The following XPOT variants were observed in gnomAD, a reference collection of about 807,000 sequenced individuals.
XPOT encodes exportin-T.
Under a neutral mutation model 128.2 loss-of-function variants are expected in XPOT, and 34 were observed. That is an observed-to-expected ratio of 0.27 (90% confidence interval 0.20 to 0.35). The LOEUF is 0.35. XPOT is among the 10% of genes least tolerant of loss of function. The pLI, the probability that XPOT is intolerant of heterozygous loss-of-function variation, is 1.00. For synonymous variants in XPOT, 348 were observed against 394.3 expected (o/e 0.88, Z 1.39); for missense variants, 838 against 1,125.3 (o/e 0.74, Z 3.65).
chr12:64,427,997 T>C, intron 15 of XPOT, 54 bp from the exon 16 acceptor site: 1 of 1,207,400 alleles, frequency 8.3e-7, no homozygotes, highest in South Asian at 1.3e-5. Context: ...TTTGGTATTT[T>C]AGCACTGTTT....
At chr12:64,447,014 G>A (rs1010494198) in intron 24 of XPOT, among the ~76,000 whole-genome samples, 1 of 152,120 alleles carries the variant, frequency 6.6e-6, no homozygotes. Context: ...CAATCATGTC[G>A]GAAGGCAAGG....
At chr12:64,423,341 C>G (rs1292304392) in intron 11 of XPOT, 97 bp downstream of exon 11, 1 of 830,666 alleles carries the variant, frequency 1.2e-6, no homozygotes, top group Non-Finnish European at 1.8e-6. Context: ...CCCTTTAAAA[C>G]ATGAAGTTCT....
chr12:64,431,907 G>T, intron 18 of XPOT, 84 bp downstream of exon 18: 1 of 1,453,400 alleles, frequency 6.9e-7, no homozygotes, highest in Non-Finnish European at 9.2e-7. Flanking sequence ...TTGCCCTTGG[G>T]TTTCTTTTTT....
rs575981006 is a variant in XPOT at position 64,408,917 on chromosome 12, C to T, written c.-74-1045C>T. On this transcript the variant is annotated intron_variant, in intron 1 of 24. Transcript: ENST00000332707. ...TGAACTCCTGACCTTAAGTGATCTGCGCACCTCAGCCTCCCAAAGTTCTCA... is the reference window on the plus strand; with the variant it reads ...TGAACTCCTGACCTTAAGTGATCTGTGCACCTCAGCCTCCCAAAGTTCTCA... Among the ~76,000 whole-genome samples the T allele has an allele frequency of 1.3e-3, 198 of 152,260 alleles. 6 individuals are homozygous for T. The South Asian group carries it at 0.026, about 20-fold the overall frequency.
chr12:64,440,098 G>A (rs1240983407), intron 23 of XPOT, among the ~76,000 whole-genome samples: 2 of 152,096 alleles, frequency 1.3e-5, no homozygotes. Flanking sequence ...GCATAACTAA[G>A]ACTTTATACC....
At chr12:64,411,010 C>A (rs1592524123) in intron 2 of XPOT, among the ~76,000 whole-genome samples, 1 of 152,032 alleles carries the variant, frequency 6.6e-6, no homozygotes, top group South Asian at 2.1e-4. Flanking sequence ...AGAAAAAAAT[C>A]TTTTAAAGCA....
In XPOT at chr12:64,448,322, C is replaced by T. The variant is rs2040381678; in HGVS notation, c.*191C>T. 4 of 598,970 alleles carry T rather than the reference C, an allele frequency of 6.7e-6. No homozygotes were observed. The highest frequency in any genetic ancestry group is 1.2e-5 in the Non-Finnish European group (4 of 335,672). The allele number at this position is 598,970 out of a possible 1,614,324, so 37.1% of individuals were successfully genotyped here. A position where few individuals can be genotyped will look rare whatever the true frequency, so the allele number is the denominator to read the frequency against. ...GGTATGTAACAACAAAAGAAGTTGC[C>T]TGCATGCCGGTCCAAATTGTTCTGT... On this transcript the variant is annotated 3_prime_UTR_variant, in exon 25 of 25. Transcript: ENST00000332707.
At chr12:64,407,777 A>T (rs2039996584) in intron 1 of XPOT, among the ~76,000 whole-genome samples, 1 of 152,174 alleles carries the variant, frequency 6.6e-6, no homozygotes, top group Non-Finnish European at 1.5e-5. Context: ...GTGAGGAGTT[A>T]TTCAAAAGTG....
chr12:64,439,884 C>T (rs2040311405), intron 23 of XPOT, among the ~76,000 whole-genome samples: 1 of 152,200 alleles, frequency 6.6e-6, no homozygotes, highest in South Asian at 2.1e-4. Flanking sequence ...AAGTATCAAA[C>T]TTGATTAAAA....
intron 15 of XPOT, among the ~76,000 whole-genome samples, chr12:64,426,141 A>G (rs548667029): frequency 6.6e-6 from 1 of 152,018 alleles, no homozygotes; most frequent in East Asian, 1.9e-4. Flanking sequence ...CCCCATCTCT[A>G]CTAAAGATAC....
intron 2 of XPOT, among the ~76,000 whole-genome samples, chr12:64,412,882 A>G (rs1441005823): frequency 6.6e-6 from 1 of 152,182 alleles, no homozygotes; most frequent in Non-Finnish European, 1.5e-5. Context: ...CCACCTCATG[A>G]GCAGCCACAT....
intron 18 of XPOT, among the ~76,000 whole-genome samples, chr12:64,432,510 T>TG (rs2040248593): frequency 6.6e-6 from 1 of 152,204 alleles, no homozygotes; most frequent in Non-Finnish European, 1.5e-5. Flanking sequence ...CCTCCATAAG[T>TG]GCTAGGATTA....
rs1008300993 is a variant in XPOT at position 64,433,416 on chromosome 12, A to G, written c.2265A>G (p.Ile755Met). The change falls in exon 19 of 25, where the codon ATA becomes ATG. Residue 755 changes from isoleucine (I) to methionine (M), a missense_variant and splice_region_variant. Coordinates refer to ENST00000332707, the MANE Select transcript of XPOT (RefSeq NM_007235.6). ...LINQITAKFK[I>M]QVSPFLQQMF... ...AAGTAATGATTGTTTATCTTCAGAT[A>G]CAGGTATCCCCGTTTTTACAACAGA... 7 of 1,530,446 alleles carry G rather than the reference A, an allele frequency of 4.6e-6. No homozygotes were observed. The Admixed American group carries it at 6.2e-5, about 14-fold the overall frequency. 94.8% of individuals were successfully genotyped at this position (1,530,446 alleles called of 1,614,324 possible).
chr12:64,405,310 T>C (rs1195097887), intron 1 of XPOT: 1 of 152,172 alleles, frequency 6.6e-6, no homozygotes, highest in Non-Finnish European at 1.5e-5. Flanking sequence ...TAGAGAAGCA[T>C]GAGGTTTCCC....
chr12:64,416,760 G>A lies in XPOT; in HGVS notation c.200+6G>A. 1 of 1,610,404 alleles carries A rather than the reference G, an allele frequency of 6.2e-7. No individual in the cohort carries two copies. Among genetic ancestry groups the A allele is most frequent in the East Asian group, 2.2e-5 (1 of 44,812 alleles). ...GAACATCAAGTTAAATACAAGTAAG[G>A]CTTTTCTTACTGTTTTGACTCAGAT... On this transcript the variant is annotated splice_donor_region_variant and intron_variant, in intron 4 of 24. Transcript: ENST00000332707.
chr12:64,419,169 C>A, intron 6 of XPOT, 75 bp downstream of exon 6: 1 of 1,235,060 alleles, frequency 8.1e-7, no homozygotes, highest in Non-Finnish European at 1.1e-6. Context: ...ATAAAAAGAG[C>A]AGGGAAGTTT....
intron 19 of XPOT, among the ~76,000 whole-genome samples, chr12:64,434,077 G>A (rs1197593758): frequency 6.6e-6 from 1 of 152,140 alleles, no homozygotes; most frequent in Non-Finnish European, 1.5e-5. Flanking sequence ...GTGCAGTGGT[G>A]TCATCACGAC....
At chr12:64,441,702 TG>T (rs973899747) in intron 23 of XPOT, among the ~76,000 whole-genome samples, 1 of 152,350 alleles carries the variant, frequency 6.6e-6, no homozygotes, top group African/African-American at 2.4e-5. Flanking sequence ...TTATTTTTTT[TG>T]AGATGGAGTC....
rs183210875 is a variant in XPOT, at chr12:64,438,902, T to G, written c.2734-342T>G. Among the ~76,000 whole-genome samples, 5 of 152,308 alleles carry G rather than the reference T, an allele frequency of 3.3e-5. No homozygotes were observed. In the East Asian group the frequency reaches 9.7e-4, roughly 29 times the overall value. ...TCTCCTCCTCCCAAAGTGCTGGGAT[T>G]ACAGGCATGAGCCACTGCACCCGGC... On this transcript the variant is annotated intron_variant, in intron 22 of 24. Coordinates refer to ENST00000332707, the MANE Select transcript of XPOT (RefSeq NM_007235.6).
Sources: allele counts gnomAD v4.1 joint callset (sites outside exome capture counted in the v4.1 genomes callset), GRCh38; gene constraint gnomAD v4.1.1; transcripts MANE v1.5; gene names NCBI Gene and HGNC (gene_info 2026-07-23, HGNC 2026-07-21).